KCNIP1: variants seen among roughly 807,000 people sequenced by gnomAD.
The protein encoded by KCNIP1 is A-type potassium channel modulatory protein KCNIP1.
In KCNIP1, 18 loss-of-function variants were observed where a neutral mutation model predicts 33.0. The observed-to-expected ratio is 0.55, with a 90% CI of 0.38 to 0.81. KCNIP1 has a LOEUF of 0.81. Among genes scored for constraint, KCNIP1 ranks in the 30% least tolerant of loss-of-function variants. The probability of loss-of-function intolerance (pLI) is 0.00; values close to 1 mark genes in which losing one functional copy is unlikely to be tolerated. For synonymous variants in KCNIP1, 93 were observed against 98.3 expected, an observed-to-expected ratio of 0.95 and a Z score of 0.32; for missense variants, 238 against 271.6, an observed-to-expected ratio of 0.88 and a Z score of 0.87.
intron 1 of KCNIP1, among the ~76,000 whole-genome samples, chr5:170,473,900 G>A (rs1392239651): frequency 6.6e-6 from 1 of 152,182 alleles, no homozygotes; most frequent in Non-Finnish European, 1.5e-5. Flanking sequence ...ACGAGACAGG[G>A]TAGTGTTGGT....
intron 1 of KCNIP1, among the ~76,000 whole-genome samples, chr5:170,604,748 C>A (rs1339683516): frequency 6.6e-6 from 1 of 152,194 alleles, no homozygotes; most frequent in Non-Finnish European, 1.5e-5. Flanking sequence ...TCTGTCCCAC[C>A]CCTGGGAACT....
chr5:170,574,767 A>G (rs1169791920), intron 1 of KCNIP1, among the ~76,000 whole-genome samples: 1 of 152,188 alleles, frequency 6.6e-6, no homozygotes, highest in African/African-American at 2.4e-5. Flanking sequence ...GGCAGGGCAC[A>G]CTCACACACA....
At chr5:170,490,815 C>A (rs570461853) in intron 1 of KCNIP1, among the ~76,000 whole-genome samples, 2 of 152,332 alleles carry the variant, frequency 1.3e-5, no homozygotes, top group South Asian at 2.1e-4. Context: ...CAGCCCCATC[C>A]CCTTCTCTCT....
chr5:170,444,775 G>C (rs17072667), intron 1 of KCNIP1, among the ~76,000 whole-genome samples: 9 of 151,526 alleles, frequency 5.9e-5, no homozygotes, highest in African/African-American at 9.7e-5. Flanking sequence ...GAAGATCTGC[G>C]GGCAAGGATA....
chr5:170,603,523 GAGAC>G (rs1758780717), intron 1 of KCNIP1, among the ~76,000 whole-genome samples: 1 of 152,204 alleles, frequency 6.6e-6, no homozygotes, highest in Admixed American at 6.5e-5. Flanking sequence ...AGAGCTCAAA[GAGAC>G]AGAGGAGTAA....
intron 1 of KCNIP1, chr5:170,375,474 T>G (rs911529798): frequency 2.6e-5 from 4 of 152,512 alleles, no homozygotes; most frequent in Admixed American, 2.0e-4. Context: ...TGAGGGCACC[T>G]GGGTTCCAGG....
intron 1 of KCNIP1, among the ~76,000 whole-genome samples, chr5:170,671,804 T>A (rs572498765): frequency 6.6e-6 from 1 of 152,370 alleles, no homozygotes; most frequent in Admixed American, 6.5e-5. Flanking sequence ...ATTACTTCTA[T>A]TTTTTAGCTC....
chr5:170,645,401 G>A (rs1425335136), intron 1 of KCNIP1, among the ~76,000 whole-genome samples: 1 of 152,166 alleles, frequency 6.6e-6, no homozygotes, highest in African/African-American at 2.4e-5. Context: ...TAACAAAGGT[G>A]TCAATACTCC....
intron 1 of KCNIP1, among the ~76,000 whole-genome samples, chr5:170,656,982 T>C (rs1002054166): frequency 1.5e-5 from 2 of 136,680 alleles, no homozygotes; most frequent in African/African-American, 6.1e-5. Flanking sequence ...TTTTCTTTTC[T>C]TTTTTCTTTC....
chr5:170,483,080 G>T (rs4867968), intron 1 of KCNIP1: 404,796 of 454,076 alleles, frequency 0.89, 180,853 homozygotes, highest in African/African-American at 0.98. Context: ...AAGTGGAACT[G>T]GGGCCCGCAG....
chr5:170,443,270 G>A (rs926249260), intron 1 of KCNIP1, among the ~76,000 whole-genome samples: 7 of 149,336 alleles, frequency 4.7e-5, no homozygotes, highest in South Asian at 2.1e-4. Context: ...TTTACTGAGA[G>A]AGGCAACCCT....
upstream of KCNIP1, among the ~76,000 whole-genome samples, chr5:170,502,778 T>C (rs967336995): frequency 2.0e-4 from 31 of 152,020 alleles, no homozygotes; most frequent in African/African-American, 7.5e-4. Flanking sequence ...AGGGGGCAGC[T>C]TGGGCAAAGG....
At chr5:170,587,598 C>T (rs556461326) in intron 1 of KCNIP1, among the ~76,000 whole-genome samples, 111 of 152,234 alleles carry the variant, frequency 7.3e-4, no homozygotes, top group South Asian at 1.2e-3. Context: ...GGAGGCCACT[C>T]ACATTCCTTG....
intron 1 of KCNIP1, among the ~76,000 whole-genome samples, chr5:170,654,467 A>G (rs1247956417): frequency 6.6e-6 from 1 of 152,226 alleles, no homozygotes; most frequent in Non-Finnish European, 1.5e-5. Context: ...ATCCATTTTA[A>G]AACGGGGGGC....
chr5:170,581,898 G>C (rs1757807639), intron 1 of KCNIP1, among the ~76,000 whole-genome samples: 1 of 152,180 alleles, frequency 6.6e-6, no homozygotes, highest in South Asian at 2.1e-4. Flanking sequence ...ATGGCAGAAA[G>C]TGAAGAGGAG....
chr5:170,482,290 C>T (rs1330495114), intron 1 of KCNIP1, among the ~76,000 whole-genome samples: 1 of 152,140 alleles, frequency 6.6e-6, no homozygotes, highest in Admixed American at 6.5e-5. Context: ...CCATCAAGTT[C>T]ATATACTTTC....
intron 1 of KCNIP1, among the ~76,000 whole-genome samples, chr5:170,565,305 C>A (rs1434115112): frequency 6.6e-6 from 1 of 152,158 alleles, no homozygotes; most frequent in East Asian, 1.9e-4. Flanking sequence ...GCCAGTCTCA[C>A]CTCTCCCCAT....
At chr5:170,617,750 A>G (rs1380206222) in intron 1 of KCNIP1, among the ~76,000 whole-genome samples, 10 of 152,212 alleles carry the variant, frequency 6.6e-5, no homozygotes, top group Admixed American at 5.9e-4. Context: ...CCCAAACTAA[A>G]TTGAATGAAG....
intron 1 of KCNIP1, among the ~76,000 whole-genome samples, chr5:170,709,125 A>G (rs567864056): frequency 6.6e-6 from 1 of 152,122 alleles, no homozygotes; most frequent in Non-Finnish European, 1.5e-5. Context: ...GTATTTTATG[A>G]TTGCTGAGTA....
Sources: gnomAD v4.1 joint callset for allele counts (sites outside exome capture counted in the v4.1 genomes callset) on GRCh38, gnomAD v4.1.1 for gene constraint, MANE v1.5 for transcripts, NCBI Gene and HGNC (gene_info 2026-07-23, HGNC 2026-07-21) for gene names.